ZMAT4: variants seen among roughly 807,000 people sequenced by gnomAD.
The protein encoded by ZMAT4 is zinc finger matrin-type protein 4.
In ZMAT4, 17 loss-of-function variants were observed where a neutral mutation model predicts 28.7. The ratio of observed to expected loss-of-function variants is 0.59; its 90% CI spans 0.41 to 0.89. ZMAT4 has a LOEUF of 0.89. Among genes scored for constraint, ZMAT4 ranks in the 40% least tolerant of loss-of-function variants. The pLI, the probability that ZMAT4 is intolerant of heterozygous loss-of-function variation, is 0.00. For synonymous variants in ZMAT4, 117 were observed against 109.2 expected, an observed-to-expected ratio of 1.07 and a Z score of -0.44; for missense variants, 240 against 283.8, an observed-to-expected ratio of 0.85 and a Z score of 1.11.
At position 40,537,994 on chromosome 8, in the gene ZMAT4, C is replaced by G. The variant is rs150342775; in HGVS notation, c.675-5756G>C. Among the ~76,000 whole-genome samples the G allele has an allele frequency of 2.8e-4, 42 of 152,252 alleles. No homozygotes were observed. In the East Asian group the frequency reaches 7.7e-3, roughly 28 times the overall value. On this transcript the variant is annotated intron_variant, in intron 6 of 6. Transcript: ENST00000297737. ...CCAAAAAATAAAATTCTAAGAAACCCTCCCCATAACCATTAGAATGGACTT... is the reference window on the plus strand; with the variant it reads ...CCAAAAAATAAAATTCTAAGAAACCGTCCCCATAACCATTAGAATGGACTT...
chr8:40,783,603 A>AT (rs1813935533), intron 2 of ZMAT4, among the ~76,000 whole-genome samples: 1 of 152,230 alleles, frequency 6.6e-6, no homozygotes, highest in Admixed American at 6.5e-5. Flanking sequence ...TTATTTAAAA[A>AT]TTAAAGTTAT....
intron 1 of ZMAT4, among the ~76,000 whole-genome samples, chr8:40,870,857 T>C (rs1190521055): frequency 6.6e-6 from 1 of 152,196 alleles, no homozygotes; most frequent in African/African-American, 2.4e-5. Flanking sequence ...GAGATTCCCT[T>C]ACCAGGCTAA....
intron 3 of ZMAT4, among the ~76,000 whole-genome samples, chr8:40,731,322 C>T (rs972556349): frequency 6.6e-6 from 1 of 152,016 alleles, no homozygotes; most frequent in Non-Finnish European, 1.5e-5. Context: ...AATGACTGCA[C>T]ATGCCCAGTA....
At chr8:40,605,033 C>T (rs1183941256) in intron 5 of ZMAT4, among the ~76,000 whole-genome samples, 2 of 151,994 alleles carry the variant, frequency 1.3e-5, no homozygotes, top group East Asian at 1.9e-4. Flanking sequence ...TGATATCTCC[C>T]GTTTTGTTTC....
intron 3 of ZMAT4, among the ~76,000 whole-genome samples, chr8:40,703,677 G>C (rs10091648): frequency 0.15 from 23,184 of 152,074 alleles, 2,545 homozygotes; most frequent in East Asian, 0.37. Flanking sequence ...CAGTCACACG[G>C]CTCTGTGAAT....
chr8:40,694,557 G>C (rs192233038), intron 4 of ZMAT4, among the ~76,000 whole-genome samples: 3 of 152,206 alleles, frequency 2.0e-5, no homozygotes, highest in Non-Finnish European at 4.4e-5. Context: ...CCTGGGCCCA[G>C]AGCCTCCGAT....
At chr8:40,853,458 T>C (rs903951912) in intron 1 of ZMAT4, among the ~76,000 whole-genome samples, 1 of 152,068 alleles carries the variant, frequency 6.6e-6, no homozygotes, top group Non-Finnish European at 1.5e-5. Context: ...CAGGAGGTTA[T>C]GGCAGGAGAA....
intron 3 of ZMAT4, among the ~76,000 whole-genome samples, chr8:40,734,390 C>T (rs1008725527): frequency 6.6e-5 from 10 of 152,138 alleles, no homozygotes; most frequent in African/African-American, 2.4e-4. Context: ...TCGGCACCTG[C>T]GTGTGAACCA....
chr8:40,807,088 A>T (rs1049291646), intron 2 of ZMAT4, among the ~76,000 whole-genome samples: 2 of 149,336 alleles, frequency 1.3e-5, no homozygotes, highest in African/African-American at 2.5e-5. Context: ...GAATATGCCC[A>T]GAGAGCAAGA....
chr8:40,762,165 G>A (rs953466694), intron 3 of ZMAT4, among the ~76,000 whole-genome samples: 5 of 152,098 alleles, frequency 3.3e-5, no homozygotes, highest in Admixed American at 6.5e-5. Context: ...TCCCAACCTC[G>A]ACTCCTGCCT....
chr8:40,699,229 TGAG>T (rs1245076840), intron 3 of ZMAT4, among the ~76,000 whole-genome samples: 1 of 152,018 alleles, frequency 6.6e-6, no homozygotes, highest in Non-Finnish European at 1.5e-5. Flanking sequence ...GCCCATTAAA[TGAG>T]GAGTAGATTA....
intron 3 of ZMAT4, among the ~76,000 whole-genome samples, chr8:40,757,133 G>T (rs1459042849): frequency 6.6e-6 from 1 of 152,150 alleles, no homozygotes; most frequent in Non-Finnish European, 1.5e-5. Context: ...CCGTGAGAAG[G>T]ACACTTGTTC....
At chr8:40,801,351 A>AAAAAT (rs370796453) in intron 2 of ZMAT4, among the ~76,000 whole-genome samples, 6 of 97,262 alleles carry the variant, frequency 6.2e-5, no homozygotes, top group Admixed American at 2.9e-4. Flanking sequence ...TAAAAAAAAA[A>AAAAAT]ATATATATAT....
intron 1 of ZMAT4, among the ~76,000 whole-genome samples, chr8:40,845,072 G>A (rs191877846): frequency 9.2e-5 from 14 of 152,316 alleles, no homozygotes; most frequent in South Asian, 4.1e-4. Flanking sequence ...TTCAGTTCCC[G>A]TTAACATGAC....
intron 2 of ZMAT4, among the ~76,000 whole-genome samples, chr8:40,785,760 A>C (rs1814045855): frequency 6.6e-6 from 1 of 152,220 alleles, no homozygotes; most frequent in Non-Finnish European, 1.5e-5. Flanking sequence ...AGGGAAAATA[A>C]TAAAGTCTTC....
intron 3 of ZMAT4, among the ~76,000 whole-genome samples, chr8:40,750,207 A>AAT (rs879687760): frequency 1.5e-3 from 228 of 151,806 alleles, no homozygotes; most frequent in Admixed American, 2.1e-3. Context: ...AAAAAGAAAA[A>AAT]ATATATATAT....
At position 40,843,959 on chromosome 8, in the gene ZMAT4, T is replaced by C. The variant is rs886085730; in HGVS notation, c.-4-18279A>G. On this transcript the variant is annotated intron_variant, in intron 1 of 6. Coordinates refer to ENST00000297737, the MANE Select transcript of ZMAT4 (RefSeq NM_024645.3). ...TCTTTCCCCTCAATTTTATAGGCTA[T>C]GTACACAGTGCACCTAGAAAACGGA... Among the ~76,000 whole-genome samples, 12 of 152,254 alleles carry C rather than the reference T, an allele frequency of 7.9e-5. No individual in the cohort carries two copies. In the South Asian group the frequency reaches 1.0e-3, roughly 13 times the overall value.
At chr8:40,702,480 C>G (rs1440195876) in intron 3 of ZMAT4, among the ~76,000 whole-genome samples, 1 of 152,168 alleles carries the variant, frequency 6.6e-6, no homozygotes, top group Non-Finnish European at 1.5e-5. Flanking sequence ...GTGGAGTAAC[C>G]TAAGGCTGCT....
At chr8:40,610,792 G>A (rs974496308) in intron 5 of ZMAT4, among the ~76,000 whole-genome samples, 5 of 151,024 alleles carry the variant, frequency 3.3e-5, no homozygotes, top group South Asian at 2.1e-4. Context: ...CTTTGATTCC[G>A]ATGTGCTCTA....
Sources: allele counts gnomAD v4.1 joint callset (sites outside exome capture counted in the v4.1 genomes callset), GRCh38; gene constraint gnomAD v4.1.1; transcripts MANE v1.5; gene names NCBI Gene and HGNC (gene_info 2026-07-23, HGNC 2026-07-21).